The following GALNT13 variants were observed in gnomAD, a reference collection of about 807,000 sequenced individuals.
GALNT13 encodes UDP-GalNAc:polypeptide N-acetylgalactosaminyltransferase 13.
Under a neutral mutation model 64.2 loss-of-function variants are expected in GALNT13, and 28 were observed. That is an observed-to-expected ratio of 0.44 (90% CI 0.32 to 0.60). GALNT13 has a LOEUF of 0.60. GALNT13 is among the 20% of genes least tolerant of loss of function. The pLI is 0.05. For missense variants in GALNT13, 577 were observed against 669.8 expected, an observed-to-expected ratio of 0.86 and a Z score of 1.53; for synonymous variants, 214 against 224.6, an observed-to-expected ratio of 0.95 and a Z score of 0.42.
At chr2:154,236,181 G>T (rs1422509412) in intron 4 of GALNT13, 3 of 1,076,578 alleles carry the variant, frequency 2.8e-6, no homozygotes, top group African/African-American at 1.7e-5. Flanking sequence ...TGACATAAAG[G>T]TAATCTTCCT....
the GALNT13 span, among the ~76,000 whole-genome samples, chr2:153,287,293 A>C: frequency 6.6e-6 from 1 of 152,096 alleles, no homozygotes; most frequent in East Asian, 1.9e-4. Flanking sequence ...AGTGTTTACA[A>C]GCCCCCGAAA....
chr2:153,358,755 C>T, the GALNT13 span, among the ~76,000 whole-genome samples: 1 of 151,958 alleles, frequency 6.6e-6, no homozygotes, highest in African/African-American at 2.4e-5. Context: ...TCCATATTTA[C>T]CTGATGTTTC....
the GALNT13 span, among the ~76,000 whole-genome samples, chr2:153,673,422 G>A: frequency 4.6e-5 from 7 of 152,000 alleles, no homozygotes; most frequent in African/African-American, 1.2e-4. Flanking sequence ...ATCAATAAAC[G>A]TAATCCATCA....
the GALNT13 span, among the ~76,000 whole-genome samples, chr2:153,406,134 A>G: frequency 1.3e-5 from 2 of 152,190 alleles, no homozygotes; most frequent in African/African-American, 4.8e-5. Flanking sequence ...ATACAGAGGA[A>G]CACAAAAAAA....
chr2:153,535,091 C>T, the GALNT13 span, among the ~76,000 whole-genome samples: 31 of 151,482 alleles, frequency 2.0e-4, no homozygotes, highest in Middle Eastern at 3.4e-3. Flanking sequence ...TTAGGGGCGG[C>T]GTGGGAACCT....
At chr2:153,542,860 C>G in the GALNT13 span, among the ~76,000 whole-genome samples, 1 of 152,062 alleles carries the variant, frequency 6.6e-6, no homozygotes, top group Non-Finnish European at 1.5e-5. Context: ...TGGAGGCAGT[C>G]ATATATATTT....
the GALNT13 span, among the ~76,000 whole-genome samples, chr2:153,304,074 C>G: frequency 6.6e-6 from 1 of 151,298 alleles, no homozygotes; most frequent in African/African-American, 2.4e-5. Flanking sequence ...GGGACTGGCT[C>G]ACTGTCTATA....
chr2:153,073,768 G>T, the GALNT13 span, among the ~76,000 whole-genome samples: 4 of 152,180 alleles, frequency 2.6e-5, no homozygotes, highest in East Asian at 7.7e-4. Context: ...TTATTTTAAG[G>T]TTATTTTGAA....
At chr2:153,685,695 T>A in the GALNT13 span, among the ~76,000 whole-genome samples, 4 of 152,132 alleles carry the variant, frequency 2.6e-5, no homozygotes, top group Non-Finnish European at 5.9e-5. Flanking sequence ...AATTTTTGCT[T>A]TTGTTGCAAT....
At chr2:153,105,919 CT>C in the GALNT13 span, among the ~76,000 whole-genome samples, 2,667 of 152,184 alleles carry the variant, frequency 0.018, 38 homozygotes, top group Middle Eastern at 0.034. Flanking sequence ...TCTATGCTTT[CT>C]TTTTATTGAA....
the GALNT13 span, among the ~76,000 whole-genome samples, chr2:153,244,133 A>G: frequency 2.0e-5 from 3 of 151,000 alleles, no homozygotes; most frequent in Admixed American, 2.0e-4. Context: ...GAACGAGAAG[A>G]GACAGATTCA....
At chr2:153,463,745 C>T in the GALNT13 span, among the ~76,000 whole-genome samples, 1 of 152,034 alleles carries the variant, frequency 6.6e-6, no homozygotes, top group African/African-American at 2.4e-5. Flanking sequence ...ATCTCTGGAT[C>T]CATAGAGGTA....
the GALNT13 span, among the ~76,000 whole-genome samples, chr2:153,580,354 A>T: frequency 6.6e-6 from 1 of 152,144 alleles, no homozygotes. Flanking sequence ...ACCAAAAAAA[A>T]AAAAGTGATG....
the GALNT13 span, among the ~76,000 whole-genome samples, chr2:153,633,861 G>A: frequency 6.6e-6 from 1 of 152,056 alleles, no homozygotes; most frequent in Admixed American, 6.6e-5. Flanking sequence ...TAGCATTATG[G>A]TTTTATAAAT....
intron 9 of GALNT13, among the ~76,000 whole-genome samples, chr2:154,361,892 C>T (rs1168983697): frequency 6.6e-6 from 1 of 152,040 alleles, no homozygotes; most frequent in Non-Finnish European, 1.5e-5. Context: ...GCTTCTGGCA[C>T]TCTTTCCAAG....
chr2:153,737,399 T>G, the GALNT13 span, among the ~76,000 whole-genome samples: 8 of 152,256 alleles, frequency 5.3e-5, no homozygotes, highest in East Asian at 1.5e-3. Context: ...TTTTTCAATG[T>G]TTTTTATTTT....
intron 1 of GALNT13, among the ~76,000 whole-genome samples, chr2:153,878,997 C>A (rs1574028379): frequency 6.6e-6 from 1 of 152,238 alleles, no homozygotes; most frequent in East Asian, 1.9e-4. Flanking sequence ...GTGTTCAGGT[C>A]CCACTGATAC....
the GALNT13 span, among the ~76,000 whole-genome samples, chr2:153,607,947 A>G: frequency 6.6e-6 from 1 of 152,206 alleles, no homozygotes; most frequent in East Asian, 1.9e-4. Flanking sequence ...CTTGTAGCTC[A>G]TATATATATG....
the GALNT13 span, among the ~76,000 whole-genome samples, chr2:153,114,399 T>C: frequency 6.6e-6 from 1 of 152,118 alleles, no homozygotes; most frequent in Non-Finnish European, 1.5e-5. Context: ...AAGACGTCAG[T>C]CAATTCTATT....
Sources: allele counts gnomAD v4.1 joint callset (sites outside exome capture counted in the v4.1 genomes callset), GRCh38; gene constraint gnomAD v4.1.1; transcripts MANE v1.5; gene names NCBI Gene and HGNC (gene_info 2026-07-23, HGNC 2026-07-21).